The following EBF1 variants were observed in gnomAD, a reference collection of about 807,000 sequenced individuals.
The protein encoded by EBF1 is EBF transcription factor 1.
A neutral mutation model predicts 68.4 loss-of-function variants in EBF1; 10 were observed. That is an observed-to-expected ratio of 0.15 (90% CI 0.09 to 0.25). EBF1 has a LOEUF of 0.25. Among genes scored for constraint, EBF1 ranks in the 10% least tolerant of loss-of-function variants. The probability of loss-of-function intolerance (pLI) is 1.00; values close to 1 mark genes in which losing one functional copy is unlikely to be tolerated. For missense variants in EBF1, 509 were observed against 794.4 expected (o/e 0.64, Z 4.32); for synonymous variants, 298 against 299.8 (o/e 0.99, Z 0.06).
chr5:158,708,261 C>G, intron 14 of EBF1, 88 bp from the exon 15 acceptor site: 2 of 1,353,690 alleles, frequency 1.5e-6, no homozygotes, highest in South Asian at 1.4e-5. Flanking sequence ...ACCCAGCCAC[C>G]TTGCTCTGCC....
intron 1 of EBF1, chr5:159,097,408 C>T: frequency 2.0e-6 from 1 of 495,268 alleles, no homozygotes. Context: ...CGAGATGAAA[C>T]TCTATAAGCA....
At position 158,878,533 on chromosome 5, in the gene EBF1, A is replaced by G. The variant is rs181325413; in HGVS notation, c.555-38423T>C. On this transcript the variant is annotated intron_variant, in intron 6 of 15. Transcript: ENST00000313708. ...CTCATTTAACCCCCACAACAACACT[A>G]TGATGTGGGTATATACTAGTACTGC... Among the ~76,000 whole-genome samples, 22 of 152,226 alleles carry G rather than the reference A, an allele frequency of 1.4e-4. No individual in the cohort carries two copies. The East Asian group carries it at 3.9e-3, about 27-fold the overall frequency.
intron 10 of EBF1, among the ~76,000 whole-genome samples, chr5:158,737,089 G>C (rs1765335880): frequency 1.3e-5 from 2 of 152,022 alleles, no homozygotes; most frequent in Admixed American, 1.3e-4. Context: ...TTTACAGCCT[G>C]GTGCCCCTGC....
chr5:158,753,533 C>A (rs2127596190), intron 10 of EBF1, among the ~76,000 whole-genome samples: 3 of 152,100 alleles, frequency 2.0e-5, no homozygotes, highest in Admixed American at 2.0e-4. Context: ...GGCAGGAACC[C>A]CATGAAGTGT....
At chr5:159,088,197 T>A (rs1043230226) in intron 4 of EBF1, among the ~76,000 whole-genome samples, 1 of 152,102 alleles carries the variant, frequency 6.6e-6, no homozygotes, top group Non-Finnish European at 1.5e-5. Context: ...ACCCCTATCA[T>A]ACAGAAGGTA....
At chr5:158,834,358 T>A (rs537018513) in intron 7 of EBF1, among the ~76,000 whole-genome samples, 1 of 152,282 alleles carries the variant, frequency 6.6e-6, no homozygotes, top group East Asian at 1.9e-4. Context: ...GTGAGCTATT[T>A]CCATCCCCAG....
intron 6 of EBF1, among the ~76,000 whole-genome samples, chr5:158,998,682 AT>A (rs1761934839): frequency 6.6e-6 from 1 of 152,202 alleles, no homozygotes; most frequent in African/African-American, 2.4e-5. Context: ...TTTCAGCAAA[AT>A]TATTCTAAAA....
chr5:158,901,669 G>T (rs1327753940), intron 6 of EBF1, among the ~76,000 whole-genome samples: 1 of 152,180 alleles, frequency 6.6e-6, no homozygotes, highest in African/African-American at 2.4e-5. Flanking sequence ...TATATGCTAG[G>T]CATATGTTAG....
chr5:158,747,767 C>A (rs1161269230), intron 10 of EBF1, among the ~76,000 whole-genome samples: 1 of 152,214 alleles, frequency 6.6e-6, no homozygotes, highest in Non-Finnish European at 1.5e-5. Flanking sequence ...AATTGATGCA[C>A]AATGACCTTG....
intron 6 of EBF1, among the ~76,000 whole-genome samples, chr5:159,067,561 T>G (rs1232964764): frequency 1.3e-5 from 2 of 152,232 alleles, no homozygotes; most frequent in Non-Finnish European, 1.5e-5. Flanking sequence ...ATCCTGGTTG[T>G]GTATTTGGGA....
At chr5:159,045,375 T>G (rs946047508) in intron 6 of EBF1, among the ~76,000 whole-genome samples, 1 of 151,916 alleles carries the variant, frequency 6.6e-6, no homozygotes, top group African/African-American at 2.4e-5. Flanking sequence ...TTTTCTCCCC[T>G]ACGTACACCC....
At chr5:158,713,820 G>C (rs929143540) in intron 12 of EBF1, among the ~76,000 whole-genome samples, 2 of 152,184 alleles carry the variant, frequency 1.3e-5, no homozygotes, top group African/African-American at 4.8e-5. Flanking sequence ...GAAAACCTGA[G>C]AGAAATAAAA....
chr5:159,047,788 G>A (rs1043645062), intron 6 of EBF1, among the ~76,000 whole-genome samples: 2 of 151,970 alleles, frequency 1.3e-5, no homozygotes, highest in African/African-American at 4.8e-5. Context: ...TCCCTCCCAC[G>A]GGGGTATAAC....
intron 6 of EBF1, among the ~76,000 whole-genome samples, chr5:158,998,131 G>A (rs1047712928): frequency 5.9e-5 from 9 of 152,002 alleles, no homozygotes; most frequent in East Asian, 1.9e-4. Context: ...TCCTTGCATC[G>A]CTTTCACTAT....
At chr5:159,064,949 G>GTGTA (rs1776526428) in intron 6 of EBF1, among the ~76,000 whole-genome samples, 1 of 118,094 alleles carries the variant, frequency 8.5e-6, no homozygotes. Context: ...ATGTGCGTGT[G>GTGTA]TGTATGTGCG....
chr5:158,728,376 C>T (rs1482219715), intron 11 of EBF1, among the ~76,000 whole-genome samples: 1 of 152,136 alleles, frequency 6.6e-6, no homozygotes, highest in African/African-American at 2.4e-5. Flanking sequence ...GGAATTTTAC[C>T]ATCAGGGACA....
At chr5:159,042,869 A>T (rs926666193) in intron 6 of EBF1, among the ~76,000 whole-genome samples, 64 of 151,444 alleles carry the variant, frequency 4.2e-4, no homozygotes, top group African/African-American at 9.6e-4. Context: ...GTAAAAAAAA[A>T]AAAATAAAAA....
intron 14 of EBF1, among the ~76,000 whole-genome samples, chr5:158,709,169 C>A (rs1245982087): frequency 1.3e-5 from 2 of 152,140 alleles, no homozygotes; most frequent in East Asian, 3.8e-4. Flanking sequence ...CCTCCATTTC[C>A]TGCAGGAAAG....
intron 6 of EBF1, among the ~76,000 whole-genome samples, chr5:158,969,253 A>T (rs1439458780): frequency 6.6e-6 from 1 of 152,106 alleles, no homozygotes; most frequent in Non-Finnish European, 1.5e-5. Context: ...AGTAAGCCAA[A>T]ATTGCACCAC....
Sources: gnomAD v4.1 joint callset for allele counts (sites outside exome capture counted in the v4.1 genomes callset) on GRCh38, gnomAD v4.1.1 for gene constraint, MANE v1.5 for transcripts, NCBI Gene and HGNC (gene_info 2026-07-23, HGNC 2026-07-21) for gene names.